FBXL18: variants seen among roughly 807,000 people sequenced by gnomAD.
The protein encoded by FBXL18 is F-box/LRR-repeat protein 18.
In FBXL18, 36 loss-of-function variants were observed where a neutral mutation model predicts 46.0. The observed-to-expected ratio is 0.78, with a 90% CI of 0.60 to 1.03. The LOEUF (loss-of-function observed/expected upper bound fraction) is 1.03. Among genes scored for constraint, FBXL18 ranks in the 50% least tolerant of loss-of-function variants. The pLI is 0.00. For synonymous variants in FBXL18, 557 were observed against 465.3 expected (o/e 1.20, Z -2.54); for missense variants, 977 against 1,004.1 (o/e 0.97, Z 0.36).
Position 5,455,599 on chromosome 7 carries a change from C to T in FBXL18, c.2001-7756G>A, listed in dbSNP as rs918715590. On this transcript the variant is annotated intron_variant and NMD_transcript_variant, in intron 4 of 6. Coordinates refer to the FBXL18 transcript ENST00000415009. This position sits in a 1 kb window ranked among gnomAD's most constrained non-coding sequence, Gnocchi z 4.6. ...TGGGCTCCTATTATGGGTTTGCATT[C>T]CCATGGCGCCAAGTCGGTCCTGAGA... Among the ~76,000 whole-genome samples the T allele has an allele frequency of 6.6e-6, 1 of 152,158 alleles. No individual in the cohort carries two copies. Among genetic ancestry groups the T allele is most frequent in the South Asian group, 2.1e-4 (1 of 4,832 alleles).
At chr7:5,472,281 A>G (rs1264901088), downstream of FBXL18, among the ~76,000 whole-genome samples, 1 of 152,100 alleles carries the variant, frequency 6.6e-6, no homozygotes, top group East Asian at 1.9e-4. Context: ...TCCCACCCCA[A>G]GAGGTCTTCT....
intron 2 of FBXL18, among the ~76,000 whole-genome samples, chr7:5,502,703 C>T (rs755010397): frequency 2.3e-4 from 35 of 151,926 alleles, no homozygotes; most frequent in Non-Finnish European, 4.6e-4. Flanking sequence ...TGGTGGCAGG[C>T]ACCTGTAAGC....
At chr7:5,469,308 A>T (rs1249291082) in intron 4 of FBXL18, among the ~76,000 whole-genome samples, 2 of 152,138 alleles carry the variant, frequency 1.3e-5, no homozygotes, top group African/African-American at 2.4e-5. Flanking sequence ...GCTACTCGGG[A>T]GGCTGAGGCA....
Position 5,462,929 on chromosome 7 carries a change from C to G in FBXL18, c.2001-15086G>C, listed in dbSNP as rs796414861. On this transcript the variant is annotated intron_variant and NMD_transcript_variant, in intron 4 of 6. Transcript: ENST00000415009. ...TCGCGCCACTGCACTCCAGCCTGGG[C>G]GACAGAGTGAGACTTGGTCTCAAAA... Among the ~76,000 whole-genome samples, 34 of 105,938 alleles carry G rather than the reference C, an allele frequency of 3.2e-4. No homozygotes were observed. In the South Asian group the frequency reaches 9.1e-3, roughly 28 times the overall value. 69.5% of individuals were successfully genotyped at this position (105,938 alleles called of 152,430 possible).
At position 5,500,462 on chromosome 7, in the gene FBXL18, C is replaced by T. The variant is rs756879590; in HGVS notation, c.1781+26G>A. ...CCCTCCGCCAGCTTCCAGCAGAGGC[C>T]CGAGAGGTCCCCGCGGCCCCCTCAC... On this transcript the variant is annotated intron_variant, in intron 3 of 4. Transcript: ENST00000382368. 18 of 1,560,546 alleles carry T rather than the reference C, an allele frequency of 1.2e-5. No individual in the cohort carries two copies. The East Asian group carries it at 3.8e-4, about 33-fold the overall frequency.
At chr7:5,463,395 G>T (rs181536917) in intron 4 of FBXL18, among the ~76,000 whole-genome samples, 1 of 151,934 alleles carries the variant, frequency 6.6e-6, no homozygotes, top group African/African-American at 2.4e-5. Flanking sequence ...CAAGGCAGGA[G>T]GATCACTTGA....
chr7:5,469,047 C>T (rs1489107835), intron 4 of FBXL18, among the ~76,000 whole-genome samples: 2 of 151,948 alleles, frequency 1.3e-5, no homozygotes, highest in Non-Finnish European at 2.9e-5. Context: ...TGTGCGTGAG[C>T]AGTGGGGGTT....
chr7:5,505,157 C>A (rs572760386), intron 2 of FBXL18, among the ~76,000 whole-genome samples: 9 of 152,008 alleles, frequency 5.9e-5, no homozygotes, highest in Middle Eastern at 3.4e-3. Flanking sequence ...CCCTCTCCCC[C>A]ACTCCCAAGG....
intron 4 of FBXL18, among the ~76,000 whole-genome samples, chr7:5,466,149 G>T (rs1300125803): frequency 3.4e-5 from 5 of 148,106 alleles, no homozygotes; most frequent in Non-Finnish European, 7.4e-5. Context: ...AACAAGTCTG[G>T]TAAAAGACAT....
At chr7:5,470,285 C>G (rs1471918803) in intron 4 of FBXL18, among the ~76,000 whole-genome samples, 3 of 152,164 alleles carry the variant, frequency 2.0e-5, no homozygotes, top group Non-Finnish European at 4.4e-5. Context: ...GCAGGGGACA[C>G]AGCGCCACCC....
At chr7:5,513,235 C>A (rs1784586688) in intron 1 of FBXL18, among the ~76,000 whole-genome samples, 2 of 152,086 alleles carry the variant, frequency 1.3e-5, no homozygotes, top group African/African-American at 2.4e-5. Flanking sequence ...AAGCAGGCTC[C>A]AGGGAGAAGT....
chr7:5,466,310 G>A (rs1375431702), intron 4 of FBXL18, among the ~76,000 whole-genome samples: 3 of 152,174 alleles, frequency 2.0e-5, no homozygotes, highest in East Asian at 3.8e-4. Context: ...TCAGAAGTCC[G>A]AGATAGGTCT....
chr7:5,503,823 C>T (rs933633072), intron 2 of FBXL18, among the ~76,000 whole-genome samples: 4 of 151,862 alleles, frequency 2.6e-5, no homozygotes, highest in African/African-American at 9.7e-5. Flanking sequence ...AAAAATTAGC[C>T]AGATGTGGTG....
At chr7:5,488,640 G>A (rs1009035043) in intron 4 of FBXL18, among the ~76,000 whole-genome samples, 2 of 152,204 alleles carry the variant, frequency 1.3e-5, no homozygotes, top group Non-Finnish European at 2.9e-5. Context: ...ACCCACGCAG[G>A]AGGTGGCAGC....
chr7:5,497,277 T>C (rs1784106694), intron 3 of FBXL18, among the ~76,000 whole-genome samples: 2 of 151,786 alleles, frequency 1.3e-5, no homozygotes, highest in South Asian at 2.1e-4. Context: ...TTCTGAAAAG[T>C]CGCCCGTCTG....
At chr7:5,493,937 T>G (rs539309854) in intron 3 of FBXL18, among the ~76,000 whole-genome samples, 39 of 152,042 alleles carry the variant, frequency 2.6e-4, no homozygotes, top group Non-Finnish European at 4.3e-4. Flanking sequence ...AGTTCGACAC[T>G]GGCCAACATG....
At chr7:5,471,528 G>A (rs1053456340), downstream of FBXL18, among the ~76,000 whole-genome samples, 4 of 151,468 alleles carry the variant, frequency 2.6e-5, no homozygotes, top group Admixed American at 6.6e-5. Context: ...CGCCTGCCTC[G>A]GCCTCCCAAA....
At chr7:5,507,229 C>T (rs913537525) in intron 1 of FBXL18, among the ~76,000 whole-genome samples, 3 of 152,144 alleles carry the variant, frequency 2.0e-5, no homozygotes, top group South Asian at 2.1e-4. Context: ...CCATGGCAAC[C>T]GTGAAGGCCA....
intron 1 of FBXL18, among the ~76,000 whole-genome samples, chr7:5,507,230 G>A (rs776347967): frequency 1.1e-4 from 17 of 152,138 alleles, no homozygotes; most frequent in African/African-American, 2.7e-4. Context: ...CATGGCAACC[G>A]TGAAGGCCAT....
Sources: allele counts gnomAD v4.1 joint callset (sites outside exome capture counted in the v4.1 genomes callset), GRCh38; gene constraint gnomAD v4.1.1; non-coding constraint Gnocchi (gnomAD v3.1); transcripts MANE v1.5; gene names NCBI Gene and HGNC (gene_info 2026-07-23, HGNC 2026-07-21).